Variants in FH observed in about 807,000 individuals in gnomAD.
FH encodes fumarate hydratase, mitochondrial.
Under a neutral mutation model 49.4 loss-of-function variants are expected in FH, and 22 were observed. That is an observed-to-expected ratio of 0.45 (90% CI 0.32 to 0.64). The LOEUF (loss-of-function observed/expected upper bound fraction) is 0.64. Ranked by LOEUF, FH falls within the 30% of genes least tolerant of loss-of-function variation. FH has a pLI of 0.05. For missense variants in FH, 526 were observed against 641.5 expected (o/e 0.82, Z 1.95); for synonymous variants, 208 against 223.0 (o/e 0.93, Z 0.60).
chr1:241,510,064 A>G (rs543950392), intron 4 of FH, among the ~76,000 whole-genome samples: 3 of 152,242 alleles, frequency 2.0e-5, no homozygotes, highest in Non-Finnish European at 4.4e-5. Context: ...AGACTTCAGT[A>G]TATATAGAAC....
chr1:241,509,429 G>A (rs79273162), intron 4 of FH, among the ~76,000 whole-genome samples: 1 of 152,112 alleles, frequency 6.6e-6, no homozygotes, highest in African/African-American at 2.4e-5. Flanking sequence ...GACCTAGCCA[G>A]GTAGTATATA....
At chr1:241,502,182 T>A (rs1659798139) in intron 8 of FH, among the ~76,000 whole-genome samples, 1 of 152,126 alleles carries the variant, frequency 6.6e-6, no homozygotes, top group Non-Finnish European at 1.5e-5. Flanking sequence ...AGCAGCAGCA[T>A]GAGAAGGAGA....
intron 2 of FH, 110 bp from the exon 3 acceptor site, chr1:241,513,823 A>G: frequency 1.3e-6 from 1 of 795,264 alleles, no homozygotes; most frequent in Non-Finnish European, 2.2e-6. Context: ...ATAAAACAGT[A>G]ACACTATAGC....
At chr1:241,512,210 T>A (rs1660106273) in intron 3 of FH, 67 bp from the exon 4 acceptor site, 1 of 1,378,876 alleles carries the variant, frequency 7.3e-7, no homozygotes, top group African/African-American at 1.4e-5. Flanking sequence ...GCCACAGAGT[T>A]TGAATACAGT....
At chr1:241,511,765 C>A in intron 4 of FH, 1 of 556,384 alleles carries the variant, frequency 1.8e-6, no homozygotes, top group Non-Finnish European at 3.2e-6. Flanking sequence ...AATACATACA[C>A]TAAATTCAGG....
At chr1:241,504,471 A>G (rs1659863652) in intron 6 of FH, among the ~76,000 whole-genome samples, 1 of 152,146 alleles carries the variant, frequency 6.6e-6, no homozygotes, top group Non-Finnish European at 1.5e-5. Context: ...ACAGGGTCTC[A>G]CTCTGCTGCC....
At chr1:241,518,729 T>A (rs1366325312) in intron 1 of FH, among the ~76,000 whole-genome samples, 1 of 152,226 alleles carries the variant, frequency 6.6e-6, no homozygotes, top group African/African-American at 2.4e-5. Context: ...TCTTCAACTA[T>A]CATTTCTCAA....
At chr1:241,518,162 C>T (rs1487378054) in intron 1 of FH, among the ~76,000 whole-genome samples, 1 of 152,150 alleles carries the variant, frequency 6.6e-6, no homozygotes, top group East Asian at 1.9e-4. Flanking sequence ...ACATTAGCAA[C>T]AGGAAGAACT....
rs201502246 is a variant in FH, at chr1:241,504,242, A to G, written c.908T>C (p.Leu303Ser). The G allele has an allele frequency of 4.0e-5, 65 of 1,613,904 alleles. No homozygotes were observed. Among genetic ancestry groups the G allele is most frequent in the Non-Finnish European group, 5.5e-5 (65 of 1,179,950 alleles). Residue 303 changes from leucine (L) to serine (S), a missense_variant, in exon 7 of 10, where the codon TTG (leucine) becomes TCG (serine). By Grantham distance (145) the Leu-to-Ser change is moderately radical. This residue lies in a region of FH where 383 missense variants were observed against 514.0 expected (regional missense o/e 0.75). Coordinates refer to ENST00000366560, the MANE Select transcript of FH (RefSeq NM_000143.4). ...TTTATTCGGAGCAGTGACAAAAGGC[A>G]AGCCTAAAGAAAAGAAAAATATCCT... ...VAAKVAALTG[L>S]PFVTAPNKFE...
intron 2 of FH, among the ~76,000 whole-genome samples, chr1:241,514,583 G>T (rs1325458056): frequency 6.6e-6 from 1 of 152,082 alleles, no homozygotes. Flanking sequence ...AGGGAAGAAA[G>T]GAAGAGAATG....
At chr1:241,516,303 T>C (rs139760546) in intron 2 of FH, among the ~76,000 whole-genome samples, 2,091 of 152,264 alleles carry the variant, frequency 0.014, 23 homozygotes, top group Middle Eastern at 0.027. Context: ...GTTGTATATA[T>C]CCACCATGGA....
Position 241,513,591 on chromosome 1 carries a change from A to G in FH, c.378+12T>C, listed in dbSNP as rs2147922909. 3.2e-6 allele frequency: 5 copies of G among 1,541,994 alleles called. No individual in the cohort carries two copies. Among genetic ancestry groups the G allele is most frequent in the Non-Finnish European group, 4.5e-6 (5 of 1,114,408 alleles). On this transcript the variant is annotated intron_variant, in intron 3 of 9. Coordinates refer to ENST00000366560, the MANE Select transcript of FH (RefSeq NM_000143.4). The stretch of plus-strand genomic sequence containing the variant: ...CTGAGGTTATTAAGCAAACACACTT[A>G]TCACCTCCTACCTCATCTGCTGCCT...
At position 241,500,596 on chromosome 1, in the gene FH, A is replaced by G. The variant is rs751518265; in HGVS notation, c.1237-6T>C. On this transcript the variant is annotated splice_region_variant and splice_polypyrimidine_tract_variant and intron_variant, in intron 8 of 9. Transcript: ENST00000366560. The stretch of plus-strand genomic sequence containing the variant: ...GAGTGTAACACATTTTTAATCTTTG[A>G]GTGAGTGAGAGAGAGAGAGAGAGAG... 6.4e-7 allele frequency: 1 copy of G among 1,556,646 alleles called. No homozygotes were observed. The highest frequency in any genetic ancestry group is 8.7e-7 in the Non-Finnish European group (1 of 1,150,464).
intron 7 of FH, 55 bp from the exon 8 acceptor site, chr1:241,502,625 G>A: frequency 1.3e-6 from 2 of 1,580,582 alleles, no homozygotes; most frequent in Non-Finnish European, 1.7e-6. Context: ...AAATAATCAG[G>A]AGAATAAAGA....
chr1:241,504,971 C>T (rs575984741), intron 6 of FH, among the ~76,000 whole-genome samples: 3 of 150,040 alleles, frequency 2.0e-5, no homozygotes, highest in Non-Finnish European at 3.0e-5. Flanking sequence ...GGCAGTGGTA[C>T]GATCTTGGCT....
chr1:241,505,666 A>C (rs1006440176), intron 6 of FH, among the ~76,000 whole-genome samples: 10 of 152,248 alleles, frequency 6.6e-5, no homozygotes, highest in Non-Finnish European at 1.3e-4. Flanking sequence ...CAACATATTT[A>C]CTATTCAAAT....
At chr1:241,516,626 G>T (rs945450918) in intron 2 of FH, among the ~76,000 whole-genome samples, 1 of 151,694 alleles carries the variant, frequency 6.6e-6, no homozygotes, top group Non-Finnish European at 1.5e-5. Flanking sequence ...TGCATATCCT[G>T]CATGTGTATC....
In FH at chr1:241,504,062, G is replaced by C. The variant is rs1483975363; in HGVS notation, c.1088C>G (p.Pro363Arg). Reference sequence around the variant, plus strand: ...ATTACCTGGCATGATACTGCTTCCTGGTTCATTTTCAGGCAAGATCAATTC... The same window carrying C: ...ATTACCTGGCATGATACTGCTTCCTCGTTCATTTTCAGGCAAGATCAATTC... ...LGELILPENE[P>R]GSSIMPGKVN... Residue 363 changes from proline to arginine, a missense_variant, in exon 7 of 10, where the codon CCA becomes CGA. Physicochemically the swap from Pro to Arg is moderately radical, Grantham distance 103. Transcript: ENST00000366560. 2 of 1,613,998 alleles carry C rather than the reference G, an allele frequency of 1.2e-6. No individual in the cohort carries two copies. Among genetic ancestry groups the C allele is most frequent in the Non-Finnish European group, 8.5e-7 (1 of 1,180,018 alleles).
intron 1 of FH, among the ~76,000 whole-genome samples, chr1:241,518,125 G>A (rs1158023462): frequency 1.3e-5 from 2 of 152,042 alleles, no homozygotes; most frequent in East Asian, 3.8e-4. Flanking sequence ...GGTACCTTAG[G>A]GCATCAAGGG....
Sources: gnomAD v4.1 joint callset for allele counts (sites outside exome capture counted in the v4.1 genomes callset) on GRCh38, gnomAD v4.1.1 for gene constraint, gnomAD v4.1.1 regional missense constraint, MANE v1.5 for transcripts, NCBI Gene and HGNC (gene_info 2026-07-23, HGNC 2026-07-21) for gene names.